The following APBA2 variants were observed in gnomAD, a reference collection of about 807,000 sequenced individuals.
The protein encoded by APBA2 is amyloid-beta A4 precursor protein-binding family A member 2.
Under a neutral mutation model 75.0 loss-of-function variants are expected in APBA2, and 30 were observed. That is an observed-to-expected ratio of 0.40 (90% CI 0.30 to 0.54). APBA2 has a LOEUF of 0.54. APBA2 is among the 20% of genes least tolerant of loss of function. The probability of loss-of-function intolerance (pLI) is 0.49; values close to 1 mark genes in which losing one functional copy is unlikely to be tolerated. For missense variants in APBA2, 801 were observed against 1,016.1 expected (o/e 0.79, Z 2.88); for synonymous variants, 444 against 409.6 (o/e 1.08, Z -1.01).
At chr15:28,992,270 G>C (rs796811084) in intron 2 of APBA2, among the ~76,000 whole-genome samples, 3 of 152,104 alleles carry the variant, frequency 2.0e-5, no homozygotes, top group Non-Finnish European at 4.4e-5. Context: ...GATCGCTTCT[G>C]GATCTTGGAC....
chr15:29,090,129 A>G (rs1052158294), intron 6 of APBA2, among the ~76,000 whole-genome samples: 11 of 152,036 alleles, frequency 7.2e-5, no homozygotes, highest in African/African-American at 2.2e-4. Flanking sequence ...TGCTGGGGCC[A>G]CCTTGGACTC....
At chr15:29,111,600 C>T (rs2152979893) in intron 13 of APBA2, among the ~76,000 whole-genome samples, 1 of 152,232 alleles carries the variant, frequency 6.6e-6, no homozygotes, top group African/African-American at 2.4e-5. Flanking sequence ...AAACACCGGG[C>T]CCTTCAGGCC....
In APBA2 at chr15:29,056,963, C is replaced by T. The variant is rs150102518; in HGVS notation, c.951+2128C>T. ...TTTGGTGCTGCCTTGCTTGAAATAA[C>T]AACCTGCTTTCCTAAGAACAATCCC... On this transcript the variant is annotated intron_variant, in intron 4 of 14. Coordinates refer to ENST00000683413, the MANE Select transcript of APBA2 (RefSeq NM_001353788.2). 2.7e-3 allele frequency among the ~76,000 whole-genome samples: 416 copies of T among 152,130 alleles called. 2 individuals carry two copies. The highest frequency in any genetic ancestry group is 4.6e-3 in the Non-Finnish European group (315 of 67,996).
At chr15:29,050,506 A>C (rs769823050) in intron 3 of APBA2, among the ~76,000 whole-genome samples, 5 of 152,194 alleles carry the variant, frequency 3.3e-5, no homozygotes, top group Non-Finnish European at 5.9e-5. Flanking sequence ...TCTGGAATAA[A>C]TTTTTCTGAA....
At chr15:28,953,688 C>A (rs1272786847) in intron 2 of APBA2, among the ~76,000 whole-genome samples, 1 of 152,158 alleles carries the variant, frequency 6.6e-6, no homozygotes, top group Non-Finnish European at 1.5e-5. Flanking sequence ...CCACAGTCGT[C>A]CCCTCTAGGA....
At chr15:28,908,911 C>G (rs1011569271) in intron 1 of APBA2, among the ~76,000 whole-genome samples, 12 of 151,984 alleles carry the variant, frequency 7.9e-5, no homozygotes, top group Non-Finnish European at 1.8e-4. Context: ...ATCTTGCAAT[C>G]TGAAATTCTG....
chr15:28,907,995 C>T (rs1200737804), intron 1 of APBA2, among the ~76,000 whole-genome samples: 1 of 152,220 alleles, frequency 6.6e-6, no homozygotes, highest in Non-Finnish European at 1.5e-5. Context: ...ATCCACTTTA[C>T]CATTGGTGAA....
At chr15:29,068,821 G>A (rs901656551) in intron 4 of APBA2, among the ~76,000 whole-genome samples, 6 of 152,162 alleles carry the variant, frequency 3.9e-5, no homozygotes, top group African/African-American at 1.4e-4. Context: ...GACCCTTAGA[G>A]GGCTCTCTTT....
At chr15:29,047,595 T>A (rs1475732854) in intron 3 of APBA2, among the ~76,000 whole-genome samples, 1 of 152,196 alleles carries the variant, frequency 6.6e-6, no homozygotes, top group Non-Finnish European at 1.5e-5. Flanking sequence ...GGTTCAGCCA[T>A]CGTAAAGTGA....
chr15:29,029,767 C>T (rs1324695610), intron 3 of APBA2, among the ~76,000 whole-genome samples: 8 of 152,072 alleles, frequency 5.3e-5, no homozygotes, highest in Admixed American at 5.2e-4. Context: ...CAGGGACAGC[C>T]GCTGGTTCAG....
At chr15:29,107,618 A>C (rs1595990566) in intron 12 of APBA2, among the ~76,000 whole-genome samples, 3 of 152,142 alleles carry the variant, frequency 2.0e-5, no homozygotes, top group African/African-American at 7.2e-5. Context: ...GGGCAGCCAC[A>C]CAGAGAGACA....
chr15:28,911,730 G>A (rs1376320541), intron 1 of APBA2, among the ~76,000 whole-genome samples: 1 of 152,190 alleles, frequency 6.6e-6, no homozygotes, highest in Non-Finnish European at 1.5e-5. Flanking sequence ...GTCCCCCCTT[G>A]GCTGTGCTGA....
chr15:29,019,536 T>G (rs2039845406), intron 3 of APBA2, among the ~76,000 whole-genome samples: 1 of 152,218 alleles, frequency 6.6e-6, no homozygotes, highest in African/African-American at 2.4e-5. Context: ...TAAGCATTTA[T>G]GCATGTGTAG....
chr15:28,900,565 G>A (rs1203397667), intron 1 of APBA2, among the ~76,000 whole-genome samples: 1 of 152,204 alleles, frequency 6.6e-6, no homozygotes, highest in Non-Finnish European at 1.5e-5. Flanking sequence ...TACTACTGTG[G>A]TGTGTTTGGT....
At chr15:28,903,788 A>G (rs930000801) in intron 1 of APBA2, among the ~76,000 whole-genome samples, 4 of 152,196 alleles carry the variant, frequency 2.6e-5, no homozygotes, top group African/African-American at 9.6e-5. Context: ...GGTGAGGGAC[A>G]GGCAGTGCTC....
intron 10 of APBA2, among the ~76,000 whole-genome samples, chr15:29,102,949 A>AACTTGGGTCC (rs56385647): frequency 0.65 from 97,730 of 151,510 alleles, 37,974 homozygotes; most frequent in Non-Finnish European, 0.85. Context: ...TCTTCCTAAG[A>AACTTGGGTCC]ACTTGGGTCC....
intron 2 of APBA2, among the ~76,000 whole-genome samples, chr15:28,924,241 A>T (rs1279951325): frequency 6.6e-6 from 1 of 150,714 alleles, no homozygotes; most frequent in Non-Finnish European, 1.5e-5. Context: ...TGTCATCTGT[A>T]GGTTTTTTTT....
intron 3 of APBA2, among the ~76,000 whole-genome samples, chr15:29,003,821 C>A (rs984895176): frequency 2.0e-5 from 3 of 152,234 alleles, no homozygotes; most frequent in Non-Finnish European, 4.4e-5. Flanking sequence ...GGTCTCCTGA[C>A]AAATTGATCC....
rs138894784 is a variant in APBA2 at position 29,046,984 on chromosome 15, G to A, written c.-40-6861G>A. Among the ~76,000 whole-genome samples the A allele has an allele frequency of 1.4e-3, 215 of 152,286 alleles. No homozygotes were observed. Among genetic ancestry groups the A allele is most frequent in the Middle Eastern group, 0.014 (4 of 294 alleles). ...TTAACTCCCTTTATGTAGTGTTTAT[G>A]GAGTTCAGGCCTGCACTGGTTGCTC... On this transcript the variant is annotated intron_variant, in intron 3 of 14. Transcript: ENST00000683413. The surrounding 1 kb of genome is among the most constrained non-coding windows in gnomAD (Gnocchi z 5.0).
Sources: allele counts gnomAD v4.1 joint callset (sites outside exome capture counted in the v4.1 genomes callset), GRCh38; gene constraint gnomAD v4.1.1; non-coding constraint Gnocchi (gnomAD v3.1); transcripts MANE v1.5; gene names NCBI Gene and HGNC (gene_info 2026-07-23, HGNC 2026-07-21).